Variants in QTGAL observed in about 807,000 individuals in gnomAD.
The protein encoded by QTGAL is BGnT-like protein 1.
the QTGAL span, among the ~76,000 whole-genome samples, chr17:82,994,616 A>G: frequency 6.6e-6 from 1 of 152,178 alleles, no homozygotes; most frequent in African/African-American, 2.4e-5. Flanking sequence ...AATCTACCAA[A>G]CATTTAAAGA....
At chr17:82,947,313 GA>G in the QTGAL span, 2 of 336,810 alleles carry the variant, frequency 5.9e-6, no homozygotes, top group Non-Finnish European at 5.5e-6. Flanking sequence ...GACCAGGGCA[GA>G]CCCACCTTCC....
At chr17:82,959,271 G>C in the QTGAL span, among the ~76,000 whole-genome samples, 1 of 151,980 alleles carries the variant, frequency 6.6e-6, no homozygotes, top group Non-Finnish European at 1.5e-5. Context: ...TGTGCAGTGA[G>C]GGCCTGTGCA....
chr17:82,959,205 C>T, the QTGAL span, among the ~76,000 whole-genome samples: 11 of 151,754 alleles, frequency 7.2e-5, no homozygotes, highest in South Asian at 4.2e-4. Context: ...TGCAGGTGTT[C>T]GGAGTACATG....
At chr17:82,982,298 T>G in the QTGAL span, among the ~76,000 whole-genome samples, 1 of 152,248 alleles carries the variant, frequency 6.6e-6, no homozygotes, top group African/African-American at 2.4e-5. Context: ...TTTTCCAATA[T>G]ATTTATTTTT....
At chr17:83,031,038 G>A in the QTGAL span, 2 of 152,252 alleles carry the variant, frequency 1.3e-5, no homozygotes, top group African/African-American at 4.8e-5. Context: ...AAGAGGACTG[G>A]AACCCAAATC....
At chr17:83,049,352 C>A in the QTGAL span, among the ~76,000 whole-genome samples, 1 of 151,774 alleles carries the variant, frequency 6.6e-6, no homozygotes. Flanking sequence ...TCAGAAACAT[C>A]ATTTTGGTTG....
At chr17:82,959,771 T>C in the QTGAL span, among the ~76,000 whole-genome samples, 3 of 152,010 alleles carry the variant, frequency 2.0e-5, no homozygotes, top group Admixed American at 2.0e-4. Context: ...CGACGGCCCC[T>C]TGTCTCCTGG....
chr17:82,978,576 C>G, the QTGAL span: 13 of 152,298 alleles, frequency 8.5e-5, no homozygotes, highest in East Asian at 2.5e-3. The surrounding 1 kb of genome is among the most constrained non-coding windows in gnomAD (Gnocchi z 4.8). Flanking sequence ...GGATGCAGGT[C>G]TCATTTCCTG....
At chr17:83,050,677 C>G in the QTGAL span, among the ~76,000 whole-genome samples, 2 of 152,254 alleles carry the variant, frequency 1.3e-5, no homozygotes. Context: ...TTGGCTGGGT[C>G]TGAACCCTGA....
chr17:83,025,198 C>A, the QTGAL span, among the ~76,000 whole-genome samples: 12 of 133,298 alleles, frequency 9.0e-5, no homozygotes, highest in Non-Finnish European at 1.9e-4. Context: ...GGAGAGTCCA[C>A]ACACACATAG....
chr17:82,978,070 G>A, the QTGAL span, among the ~76,000 whole-genome samples: 4 of 152,086 alleles, frequency 2.6e-5, no homozygotes, highest in East Asian at 1.9e-4. This position sits in a 1 kb window ranked among gnomAD's most constrained non-coding sequence, Gnocchi z 4.8. Flanking sequence ...GGTGTTTTCC[G>A]TTGCTCCCCG....
At chr17:82,996,615 C>A in the QTGAL span, among the ~76,000 whole-genome samples, 1 of 151,380 alleles carries the variant, frequency 6.6e-6, no homozygotes, top group Non-Finnish European at 1.5e-5. Flanking sequence ...GCAAGAGGAA[C>A]AAAATTGGAG....
chr17:82,972,823 TAGAAGGACCTGGTGCC>T, the QTGAL span, among the ~76,000 whole-genome samples: 1 of 80,498 alleles, frequency 1.2e-5, no homozygotes, highest in Non-Finnish European at 2.5e-5. Flanking sequence ...CCACAGGGGC[TAGAAGGACCTGGTGCC>T]GACCACACCA....
the QTGAL span, among the ~76,000 whole-genome samples, chr17:83,004,555 G>A: frequency 3.7e-4 from 29 of 78,630 alleles, no homozygotes; most frequent in African/African-American, 1.6e-3. Context: ...TCTGCAGTCC[G>A]CGTGTGGGAT....
chr17:82,960,965 G>A, the QTGAL span: 4 of 1,477,294 alleles, frequency 2.7e-6, no homozygotes, highest in African/African-American at 1.4e-5. Context: ...CACAGCCTCT[G>A]GGGTCGGCCC....
chr17:82,943,000 T>TGG, the QTGAL span: 1 of 170,162 alleles, frequency 5.9e-6, no homozygotes, highest in Non-Finnish European at 1.2e-5. Flanking sequence ...GTCTGCCTGG[T>TGG]GGGGGTGCTG....
At chr17:82,956,958 G>A in the QTGAL span, 7 of 938,986 alleles carry the variant, frequency 7.5e-6, no homozygotes, top group Non-Finnish European at 9.9e-6. The surrounding 1 kb of genome is among the most constrained non-coding windows in gnomAD (Gnocchi z 5.7). Context: ...ACCCCCGCCT[G>A]ACACCCGACT....
At chr17:83,001,112 A>G in the QTGAL span, among the ~76,000 whole-genome samples, 3 of 152,230 alleles carry the variant, frequency 2.0e-5, no homozygotes, top group African/African-American at 7.2e-5. Context: ...GTTATACATC[A>G]ACAAAGCTAT....
the QTGAL span, among the ~76,000 whole-genome samples, chr17:82,961,511 A>C: frequency 6.6e-6 from 1 of 151,998 alleles, no homozygotes; most frequent in Non-Finnish European, 1.5e-5. Context: ...TCAGGGTCTC[A>C]CAGCCACGGC....
Sources: allele counts gnomAD v4.1 joint callset (sites outside exome capture counted in the v4.1 genomes callset), GRCh38; gene constraint gnomAD v4.1.1; non-coding constraint Gnocchi (gnomAD v3.1); transcripts MANE v1.5; gene names NCBI Gene and HGNC (gene_info 2026-07-23, HGNC 2026-07-21).